Variants in LRCH1 observed in about 807,000 individuals in gnomAD.
The protein encoded by LRCH1 is leucine rich repeats and calponin homology domain containing 1.
A neutral mutation model predicts 94.9 loss-of-function variants in LRCH1; 23 were observed. The ratio of observed to expected loss-of-function variants is 0.24; its 90% CI spans 0.17 to 0.34. LRCH1 has a LOEUF of 0.34. Ranked by LOEUF, LRCH1 falls within the 10% of genes least tolerant of loss-of-function variation. LRCH1 has a pLI of 1.00. For synonymous variants in LRCH1, 364 were observed against 354.9 expected (o/e 1.03, Z -0.29); for missense variants, 790 against 945.9 (o/e 0.84, Z 2.16).
intron 12 of LRCH1, 46 bp from the exon 13 acceptor site, chr13:46,705,222 T>C (rs777047078): frequency 2.5e-6 from 4 of 1,585,528 alleles, no homozygotes; most frequent in South Asian, 1.1e-5. Flanking sequence ...TTTCTATGCT[T>C]TAAATTTCAC....
chr13:46,732,698 C>T (rs1394655589), intron 18 of LRCH1, among the ~76,000 whole-genome samples: 1 of 152,150 alleles, frequency 6.6e-6, no homozygotes, highest in Non-Finnish European at 1.5e-5. Flanking sequence ...AGGGTCTTGG[C>T]GTGATGAAAT....
rs113012701 is a variant in LRCH1 at position 46,732,034 on chromosome 13, G to A, written c.2008-1887G>A. 5.5e-4 allele frequency among the ~76,000 whole-genome samples: 83 copies of A among 152,146 alleles called. 1 individual carries two copies. The highest frequency in any genetic ancestry group is 1.8e-3 in the African/African-American group (75 of 41,410). On this transcript the variant is annotated intron_variant, in intron 18 of 19. Coordinates refer to ENST00000389797, the MANE Select transcript of LRCH1 (RefSeq NM_001164211.2). ...GCTGCTTTAGAGGTAAGTGAGCCTG[G>A]GGATTTTGTCTTTGGCTCCACAGTT...
At chr13:46,673,939 C>T (rs2051637718) in intron 3 of LRCH1, among the ~76,000 whole-genome samples, 1 of 152,096 alleles carries the variant, frequency 6.6e-6, no homozygotes, top group Non-Finnish European at 1.5e-5. Context: ...TACCACTGCA[C>T]CCAGCTAACA....
intron 3 of LRCH1, 24 bp downstream of exon 3, chr13:46,669,180 C>T (rs1408667471): frequency 6.2e-7 from 1 of 1,611,016 alleles, no homozygotes. Context: ...TTTTAAGATG[C>T]TCTTTTTTGT....
intron 13 of LRCH1, among the ~76,000 whole-genome samples, chr13:46,709,420 C>G (rs1396247041): frequency 6.6e-6 from 1 of 152,176 alleles, no homozygotes; most frequent in Non-Finnish European, 1.5e-5. Flanking sequence ...GCTGTGAGGG[C>G]CTCCCTGCCA....
At chr13:46,622,560 A>G (rs2050892955) in intron 1 of LRCH1, among the ~76,000 whole-genome samples, 1 of 152,198 alleles carries the variant, frequency 6.6e-6, no homozygotes, top group Non-Finnish European at 1.5e-5. Flanking sequence ...TCCTGCTTCC[A>G]TGCAAGTTTA....
chr13:46,731,200 A>G (rs1190958978), intron 18 of LRCH1, among the ~76,000 whole-genome samples: 1 of 149,718 alleles, frequency 6.7e-6, no homozygotes, highest in East Asian at 2.0e-4. Flanking sequence ...AATTTTTTAA[A>G]TGTATTATTG....
intron 2 of LRCH1, among the ~76,000 whole-genome samples, chr13:46,653,623 G>A (rs1322500113): frequency 6.6e-5 from 10 of 151,938 alleles, no homozygotes; most frequent in South Asian, 4.1e-4. Context: ...CCAGGAGTTC[G>A]TGACCAGCCT....
In LRCH1 at chr13:46,706,056, C is replaced by G. The variant is rs150581681; in HGVS notation, c.1527+752C>G. ...CCCCACTGAGGTGTTTGCACATGTA[C>G]TATAGTAAAGCGGTTTCACGCTCTT... is the stretch of plus-strand genomic sequence containing the variant. On this transcript the variant is annotated intron_variant, in intron 13 of 19. Coordinates refer to ENST00000389797, the MANE Select transcript of LRCH1 (RefSeq NM_001164211.2). Among the ~76,000 whole-genome samples, 380 of 152,268 alleles carry G rather than the reference C, an allele frequency of 2.5e-3. 3 individuals carry two copies. The highest frequency in any genetic ancestry group is 9.0e-3 in the African/African-American group (376 of 41,560).
intron 18 of LRCH1, among the ~76,000 whole-genome samples, chr13:46,732,670 C>T (rs553458446): frequency 3.3e-5 from 5 of 152,294 alleles, no homozygotes; most frequent in African/African-American, 9.6e-5. Flanking sequence ...TGGGCCCAAA[C>T]GATCAGAGAG....
chr13:46,647,550 A>C (rs1206719832), intron 1 of LRCH1, among the ~76,000 whole-genome samples: 1 of 152,182 alleles, frequency 6.6e-6, no homozygotes, highest in Non-Finnish European at 1.5e-5. Flanking sequence ...AGAACTTTCC[A>C]TCCTCCCCCA....
chr13:46,663,570 C>G (rs942536568), intron 2 of LRCH1, among the ~76,000 whole-genome samples: 1 of 152,138 alleles, frequency 6.6e-6, no homozygotes, highest in African/African-American at 2.4e-5. Context: ...ATATGCAAAA[C>G]AGCAAAAAGT....
At chr13:46,642,485 G>A (rs2051170774) in intron 1 of LRCH1, among the ~76,000 whole-genome samples, 1 of 152,160 alleles carries the variant, frequency 6.6e-6, no homozygotes, top group Admixed American at 6.5e-5. Flanking sequence ...AGGTTGTGAT[G>A]AGGATTACGT....
At chr13:46,682,156 A>C (rs1418374467) in intron 4 of LRCH1, among the ~76,000 whole-genome samples, 1 of 152,104 alleles carries the variant, frequency 6.6e-6, no homozygotes, top group South Asian at 2.1e-4. Context: ...GGGTGCTTAA[A>C]TAACAGAACT....
chr13:46,580,088 T>A (rs2050348021), intron 1 of LRCH1, among the ~76,000 whole-genome samples: 1 of 152,226 alleles, frequency 6.6e-6, no homozygotes, highest in Non-Finnish European at 1.5e-5. Context: ...GCCCAAGACC[T>A]CTTTATAACA....
chr13:46,581,584 C>T (rs1396399295), intron 1 of LRCH1, among the ~76,000 whole-genome samples: 2 of 152,186 alleles, frequency 1.3e-5, no homozygotes, highest in African/African-American at 4.8e-5. Context: ...CTGACATTCT[C>T]ATCCCCGTGT....
intron 15 of LRCH1, 49 bp from the exon 16 acceptor site, chr13:46,715,511 C>G (rs1321498010): frequency 1.8e-6 from 2 of 1,108,870 alleles, no homozygotes; most frequent in South Asian, 1.3e-5. Context: ...TTGGTTTTTC[C>G]TGGTCCTTGT....
At chr13:46,639,676 G>C (rs897501817) in intron 1 of LRCH1, among the ~76,000 whole-genome samples, 1 of 152,116 alleles carries the variant, frequency 6.6e-6, no homozygotes, top group African/African-American at 2.4e-5. Context: ...TGGCCTGCTC[G>C]GCCAGGAAGA....
chr13:46,650,078 CAA>C, intron 1 of LRCH1, 121 bp from the exon 2 acceptor site: 3 of 596,290 alleles, frequency 5.0e-6, no homozygotes, highest in South Asian at 2.8e-5. Context: ...AACAGAGGTG[CAA>C]AAAAAAATGA....
Sources: gnomAD v4.1 joint callset for allele counts (sites outside exome capture counted in the v4.1 genomes callset) on GRCh38, gnomAD v4.1.1 for gene constraint, MANE v1.5 for transcripts, NCBI Gene and HGNC (gene_info 2026-07-23, HGNC 2026-07-21) for gene names.